The following CADM2 variants were observed in gnomAD, a reference collection of about 807,000 sequenced individuals.
CADM2 encodes cell adhesion molecule 2, also known as immunoglobulin superfamily member 4D.
In CADM2, 12 loss-of-function variants were observed where a neutral mutation model predicts 49.8. That is an observed-to-expected ratio of 0.24 (90% CI 0.15 to 0.39). CADM2 has a LOEUF of 0.39. Among genes scored for constraint, CADM2 ranks in the 10% least tolerant of loss-of-function variants. The probability of loss-of-function intolerance (pLI) is 1.00; values close to 1 mark genes in which losing one functional copy is unlikely to be tolerated. For missense variants in CADM2, 378 were observed against 492.3 expected (o/e 0.77, Z 2.20); for synonymous variants, 214 against 175.4 (o/e 1.22, Z -1.74).
chr3:85,491,934 A>G (rs1237330890), intron 1 of CADM2, among the ~76,000 whole-genome samples: 3 of 140,732 alleles, frequency 2.1e-5, no homozygotes, highest in African/African-American at 7.6e-5. Context: ...CCTGGGCGAG[A>G]GTGAGACTGT....
chr3:85,051,819 G>A (rs1458275825), intron 1 of CADM2, among the ~76,000 whole-genome samples: 1 of 152,018 alleles, frequency 6.6e-6, no homozygotes, highest in Non-Finnish European at 1.5e-5. Flanking sequence ...AAAGAAAACG[G>A]GGCATTGGGC....
At chr3:85,942,869 C>T (rs1432823174) in intron 7 of CADM2, among the ~76,000 whole-genome samples, 5 of 152,018 alleles carry the variant, frequency 3.3e-5, no homozygotes, top group Non-Finnish European at 7.4e-5. Flanking sequence ...ATGGCTGGGT[C>T]AAATGGTATT....
chr3:85,191,522 C>T (rs1369174789), intron 1 of CADM2, among the ~76,000 whole-genome samples: 2 of 151,954 alleles, frequency 1.3e-5, no homozygotes, highest in Admixed American at 1.3e-4. Flanking sequence ...TAATAAATTA[C>T]ATAATTTACT....
At position 86,073,469 on chromosome 3, in the gene CADM2, A is replaced by T. The variant is rs925497591; in HGVS notation, c.*6686A>T. 2 of 152,078 alleles carry T rather than the reference A, an allele frequency of 1.3e-5. No homozygotes were observed. Among genetic ancestry groups the T allele is most frequent in the African/African-American group, 4.8e-5 (2 of 41,468 alleles). The allele number at this position is 152,078 out of a possible 1,614,324, so 9.4% of individuals were successfully genotyped here. A position where few individuals can be genotyped will look rare whatever the true frequency, so the allele number is the denominator to read the frequency against. On this transcript the variant is annotated 3_prime_UTR_variant, in exon 10 of 10. Coordinates refer to ENST00000383699, the MANE Select transcript of CADM2 (RefSeq NM_001167675.2). ...TTTGGTACATGACACTTGCATGTTG[A>T]TATGCCTATATACTTACAAAGTATT...
chr3:85,278,937 T>C (rs1346180996), intron 1 of CADM2, among the ~76,000 whole-genome samples: 2 of 151,496 alleles, frequency 1.3e-5, no homozygotes, highest in Non-Finnish European at 3.0e-5. Context: ...ATCTGTGATT[T>C]TGACTTTTCC....
chr3:85,284,435 A>G (rs567923168), intron 1 of CADM2, among the ~76,000 whole-genome samples: 1 of 152,244 alleles, frequency 6.6e-6, no homozygotes, highest in African/African-American at 2.4e-5. Flanking sequence ...AGACTGAACA[A>G]GGAGAAGAAG....
At chr3:85,082,214 G>A (rs1006116871) in intron 1 of CADM2, among the ~76,000 whole-genome samples, 11 of 152,176 alleles carry the variant, frequency 7.2e-5, no homozygotes, top group Non-Finnish European at 1.3e-4. Flanking sequence ...AAAATCCAAG[G>A]CAGCAAAGAA....
intron 1 of CADM2, among the ~76,000 whole-genome samples, chr3:85,262,687 G>A (rs1176686540): frequency 1.3e-5 from 2 of 152,002 alleles, no homozygotes; most frequent in Non-Finnish European, 2.9e-5. Flanking sequence ...TAATAGTTTT[G>A]CAAAAGGTAG....
At chr3:85,517,834 A>G (rs1393885790) in intron 1 of CADM2, among the ~76,000 whole-genome samples, 1 of 152,190 alleles carries the variant, frequency 6.6e-6, no homozygotes, top group Non-Finnish European at 1.5e-5. Flanking sequence ...CTTATTATTT[A>G]ACCTCTGGTT....
intron 1 of CADM2, among the ~76,000 whole-genome samples, chr3:85,302,239 C>A (rs2044119545): frequency 6.6e-6 from 1 of 152,002 alleles, no homozygotes; most frequent in Non-Finnish European, 1.5e-5. Flanking sequence ...ATTTTAACTG[C>A]AGATATATCT....
At chr3:85,754,785 A>T (rs190952020) in intron 2 of CADM2, among the ~76,000 whole-genome samples, 1 of 152,120 alleles carries the variant, frequency 6.6e-6, no homozygotes, top group Non-Finnish European at 1.5e-5. Flanking sequence ...GACTGTCTCA[A>T]TTTTTTTAAA....
At chr3:85,059,384 G>C (rs2036215797) in intron 1 of CADM2, among the ~76,000 whole-genome samples, 1 of 151,630 alleles carries the variant, frequency 6.6e-6, no homozygotes, top group Non-Finnish European at 1.5e-5. Context: ...GGAAGTGAAA[G>C]ATATCAGAGA....
intron 8 of CADM2, among the ~76,000 whole-genome samples, chr3:86,024,444 A>G (rs1444452074): frequency 6.6e-6 from 1 of 152,208 alleles, no homozygotes; most frequent in Non-Finnish European, 1.5e-5. Flanking sequence ...TTGTATTTCT[A>G]CCAAGAGATA....
chr3:85,305,103 C>T (rs1455493559), intron 1 of CADM2, among the ~76,000 whole-genome samples: 2 of 151,258 alleles, frequency 1.3e-5, no homozygotes, highest in Non-Finnish European at 3.0e-5. Flanking sequence ...AATTTTTTCT[C>T]CAGGTTTGTG....
intron 3 of CADM2, among the ~76,000 whole-genome samples, chr3:85,845,974 T>C (rs1207958734): frequency 1.3e-5 from 2 of 152,090 alleles, no homozygotes; most frequent in African/African-American, 4.8e-5. Context: ...GCTGGGGTTC[T>C]ACTGGGGTTG....
chr3:85,125,951 A>G (rs2039020177), intron 1 of CADM2, among the ~76,000 whole-genome samples: 1 of 152,190 alleles, frequency 6.6e-6, no homozygotes, highest in Non-Finnish European at 1.5e-5. Flanking sequence ...TAATTATATA[A>G]TGTTCATTGT....
intron 1 of CADM2, among the ~76,000 whole-genome samples, chr3:85,143,452 C>T (rs1264023410): frequency 6.6e-6 from 1 of 152,148 alleles, no homozygotes; most frequent in Non-Finnish European, 1.5e-5. Context: ...TGCTCTCCAA[C>T]GTGGGCAACA....
intron 1 of CADM2, among the ~76,000 whole-genome samples, chr3:85,329,835 A>C (rs1285197289): frequency 6.6e-6 from 1 of 152,048 alleles, no homozygotes; most frequent in Non-Finnish European, 1.5e-5. Flanking sequence ...ACAACACATG[A>C]CAATCTAAAA....
At chr3:85,224,857 G>A (rs1333168471) in intron 1 of CADM2, among the ~76,000 whole-genome samples, 1 of 152,034 alleles carries the variant, frequency 6.6e-6, no homozygotes, top group Non-Finnish European at 1.5e-5. Context: ...ATTAAATAGG[G>A]ATCGTTTCCC....
Sources: allele counts gnomAD v4.1 joint callset (sites outside exome capture counted in the v4.1 genomes callset), GRCh38; gene constraint gnomAD v4.1.1; transcripts MANE v1.5; gene names NCBI Gene and HGNC (gene_info 2026-07-23, HGNC 2026-07-21).